The following DIAPH3 variants were observed in gnomAD, a reference collection of about 807,000 sequenced individuals.
The protein encoded by DIAPH3 is diaphanous related formin 3.
DIAPH3 carries 117 observed loss-of-function variants against 144.3 expected under a neutral mutation model. The ratio of observed to expected loss-of-function variants is 0.81; its 90% CI spans 0.70 to 0.95. The LOEUF (loss-of-function observed/expected upper bound fraction) is 0.95. Among genes scored for constraint, DIAPH3 ranks in the 40% least tolerant of loss-of-function variants. DIAPH3 has a pLI of 0.00. For missense variants in DIAPH3, 1,421 were observed against 1,412.7 expected, an observed-to-expected ratio of 1.01 and a Z score of -0.09; for synonymous variants, 519 against 488.9, an observed-to-expected ratio of 1.06 and a Z score of -0.81.
chr13:60,043,565 G>A (rs2055845889), intron 4 of DIAPH3, among the ~76,000 whole-genome samples: 2 of 152,174 alleles, frequency 1.3e-5, no homozygotes, highest in South Asian at 4.1e-4. Context: ...CCAGATCATG[G>A]AGTGATAGAG....
At chr13:59,706,436 T>C (rs1462322925) in intron 27 of DIAPH3, among the ~76,000 whole-genome samples, 1 of 152,162 alleles carries the variant, frequency 6.6e-6, no homozygotes, top group East Asian at 1.9e-4. Flanking sequence ...GAGGAGTTAC[T>C]AGGTCAAATA....
intron 18 of DIAPH3, among the ~76,000 whole-genome samples, chr13:59,924,436 C>T (rs1353609713): frequency 6.6e-6 from 1 of 151,406 alleles, no homozygotes; most frequent in Non-Finnish European, 1.5e-5. Flanking sequence ...AATACACTAC[C>T]AATTTTTTTC....
chr13:60,135,309 T>A (rs989080784), intron 1 of DIAPH3, among the ~76,000 whole-genome samples: 2 of 151,848 alleles, frequency 1.3e-5, no homozygotes, highest in African/African-American at 4.8e-5. Context: ...TATAGCTTTT[T>A]AAAAGATTTA....
At chr13:60,117,861 T>G (rs1349629366) in intron 2 of DIAPH3, among the ~76,000 whole-genome samples, 1 of 152,138 alleles carries the variant, frequency 6.6e-6, no homozygotes, top group African/African-American at 2.4e-5. Context: ...TTTATGTGTG[T>G]GTATTACAAT....
chr13:60,113,551 G>A (rs766246306), intron 2 of DIAPH3, among the ~76,000 whole-genome samples: 1 of 152,122 alleles, frequency 6.6e-6, no homozygotes, highest in Non-Finnish European at 1.5e-5. Context: ...CTAAGAATAC[G>A]ACAGCTTTCT....
intron 2 of DIAPH3, among the ~76,000 whole-genome samples, chr13:60,126,373 T>C (rs934495776): frequency 3.9e-5 from 6 of 152,138 alleles, no homozygotes; most frequent in Non-Finnish European, 8.8e-5. Context: ...TAAAAACTAA[T>C]AAAAATTATT....
chr13:60,098,278 AG>A (rs1198829934), intron 3 of DIAPH3, among the ~76,000 whole-genome samples: 1 of 152,188 alleles, frequency 6.6e-6, no homozygotes, highest in Non-Finnish European at 1.5e-5. Flanking sequence ...GACATACTAA[AG>A]GTGGCCTCTG....
intron 27 of DIAPH3, among the ~76,000 whole-genome samples, chr13:59,738,393 C>T (rs774749230): frequency 6.6e-6 from 1 of 151,994 alleles, no homozygotes; most frequent in Admixed American, 6.6e-5. Flanking sequence ...AAAAGCTCAG[C>T]AGAGGAGCCT....
chr13:59,944,559 T>C (rs1237891487), intron 17 of DIAPH3, among the ~76,000 whole-genome samples: 4 of 152,278 alleles, frequency 2.6e-5, no homozygotes, highest in South Asian at 2.1e-4. Flanking sequence ...GGAACACTTG[T>C]TTCAAAAATT....
intron 17 of DIAPH3, 109 bp from the exon 18 acceptor site, chr13:59,924,979 T>G: frequency 6.8e-7 from 1 of 1,461,716 alleles, no homozygotes; most frequent in Non-Finnish European, 9.1e-7. Flanking sequence ...GTAACTCTTC[T>G]AAATAAAAGT....
intron 9 of DIAPH3, among the ~76,000 whole-genome samples, chr13:60,007,147 G>A (rs2052929155): frequency 6.6e-6 from 1 of 152,130 alleles, no homozygotes. Flanking sequence ...TGTCTCCGGG[G>A]TTCAAGTGAT....
intron 27 of DIAPH3, among the ~76,000 whole-genome samples, chr13:59,714,286 G>A (rs545753902): frequency 6.1e-5 from 9 of 148,652 alleles, no homozygotes; most frequent in Non-Finnish European, 1.3e-4. Context: ...CGTGAACCCG[G>A]GAGGCGGAGC....
chr13:60,081,789 T>C (rs1045011139), intron 4 of DIAPH3, among the ~76,000 whole-genome samples: 3 of 151,860 alleles, frequency 2.0e-5, no homozygotes, highest in Non-Finnish European at 4.4e-5. Flanking sequence ...CCCAGAGATA[T>C]CCATTGGACA....
rs149228179 is a variant in DIAPH3 at position 60,010,724 on chromosome 13, T to C, written c.772-55A>G. ...TGTTAGAAATTAGTTAGAAAAATAATACCCTGAAGGAAATGTAGTTATTAA... is the reference window on the plus strand; with the variant it reads ...TGTTAGAAATTAGTTAGAAAAATAACACCCTGAAGGAAATGTAGTTATTAA... On this transcript the variant is annotated intron_variant, in intron 7 of 27. Coordinates refer to ENST00000400324, the MANE Select transcript of DIAPH3 (RefSeq NM_001042517.2). 17 of 1,548,560 alleles carry C rather than the reference T, an allele frequency of 1.1e-5. No individual in the cohort carries two copies. In the African/African-American group the frequency reaches 2.0e-4, roughly 19 times the overall value.
intron 20 of DIAPH3, among the ~76,000 whole-genome samples, chr13:59,897,161 A>G (rs948356504): frequency 4.6e-5 from 7 of 152,232 alleles, no homozygotes; most frequent in Admixed American, 4.6e-4. Flanking sequence ...AAGTGTTAGA[A>G]GATATGGGAA....
chr13:60,152,477 T>G (rs1339304090), intron 1 of DIAPH3, among the ~76,000 whole-genome samples: 1 of 148,814 alleles, frequency 6.7e-6, no homozygotes, highest in Admixed American at 6.7e-5. Flanking sequence ...CAGATTTACT[T>G]TTAGGGAAAG....
At chr13:59,809,830 G>A (rs2040382699) in intron 25 of DIAPH3, among the ~76,000 whole-genome samples, 1 of 152,100 alleles carries the variant, frequency 6.6e-6, no homozygotes, top group South Asian at 2.1e-4. Context: ...CTATTCCTGG[G>A]GAAACCTTAG....
chr13:60,050,346 G>A (rs891715706), intron 4 of DIAPH3, among the ~76,000 whole-genome samples: 1 of 152,202 alleles, frequency 6.6e-6, no homozygotes, highest in African/African-American at 2.4e-5. Context: ...CATATTTAGA[G>A]GACAGTAAGA....
At chr13:59,824,294 A>G (rs868504007) in intron 24 of DIAPH3, among the ~76,000 whole-genome samples, 1 of 152,160 alleles carries the variant, frequency 6.6e-6, no homozygotes, top group Admixed American at 6.6e-5. Flanking sequence ...TTGATTTTCA[A>G]AAAGTAACAT....
Sources: allele counts gnomAD v4.1 joint callset (sites outside exome capture counted in the v4.1 genomes callset), GRCh38; gene constraint gnomAD v4.1.1; transcripts MANE v1.5; gene names NCBI Gene and HGNC (gene_info 2026-07-23, HGNC 2026-07-21).